NEO1: variants seen among roughly 807,000 people sequenced by gnomAD.
NEO1 encodes the protein neogenin.
A neutral mutation model predicts 159.7 loss-of-function variants in NEO1; 63 were observed. The ratio of observed to expected loss-of-function variants is 0.39; its 90% CI spans 0.32 to 0.49. The LOEUF (loss-of-function observed/expected upper bound fraction) is 0.49, where lower values mean the gene tolerates loss of function less well. NEO1 is among the 20% of genes least tolerant of loss of function. The pLI is 0.85. For missense variants in NEO1, 1,615 were observed against 1,831.0 expected, an observed-to-expected ratio of 0.88 and a Z score of 2.15; for synonymous variants, 633 against 662.0, an observed-to-expected ratio of 0.96 and a Z score of 0.67.
chr15:73,134,651 A>G (rs2031540238), intron 4 of NEO1, among the ~76,000 whole-genome samples: 1 of 151,868 alleles, frequency 6.6e-6, no homozygotes, highest in South Asian at 2.1e-4. Flanking sequence ...CCCGGGTTCA[A>G]GCGATTCTCC....
intron 7 of NEO1, among the ~76,000 whole-genome samples, chr15:73,223,854 T>C (rs1196939848): frequency 6.6e-6 from 1 of 152,206 alleles, no homozygotes; most frequent in Non-Finnish European, 1.5e-5. Flanking sequence ...TTTTTTGTTT[T>C]TTGTTTTTGC....
At chr15:73,119,348 G>A (rs1482554166) in intron 2 of NEO1, among the ~76,000 whole-genome samples, 1 of 152,192 alleles carries the variant, frequency 6.6e-6, no homozygotes, top group Non-Finnish European at 1.5e-5. Context: ...GTTGCAAGCA[G>A]TAGAAACTGA....
intron 21 of NEO1, among the ~76,000 whole-genome samples, chr15:73,277,272 TA>T (rs1322955078): frequency 6.6e-6 from 1 of 152,270 alleles, no homozygotes; most frequent in African/African-American, 2.4e-5. Context: ...TTTCTGGGTA[TA>T]AACCTTAGAT....
At chr15:73,094,976 T>C (rs6416503) in intron 1 of NEO1, among the ~76,000 whole-genome samples, 107,732 of 151,986 alleles carry the variant, frequency 0.71, 39,197 homozygotes, top group African/African-American at 0.88. Context: ...TTTGGGAGGC[T>C]GAGGCGGGCG....
chr15:73,250,647 C>CA (rs897171093), intron 11 of NEO1, among the ~76,000 whole-genome samples: 3 of 151,006 alleles, frequency 2.0e-5, no homozygotes, highest in African/African-American at 7.3e-5. Flanking sequence ...GGAAGCTCTG[C>CA]AAAAAAAATT....
intron 7 of NEO1, among the ~76,000 whole-genome samples, chr15:73,224,257 A>G (rs2038449775): frequency 6.6e-6 from 1 of 152,142 alleles, no homozygotes; most frequent in African/African-American, 2.4e-5. Context: ...TTAACTGTAG[A>G]TAAGTTAAGC....
At chr15:73,059,430 T>C (rs1020687494) in intron 1 of NEO1, among the ~76,000 whole-genome samples, 3 of 152,220 alleles carry the variant, frequency 2.0e-5, no homozygotes, top group South Asian at 2.1e-4. Flanking sequence ...CATTTAACTT[T>C]TTATTAAGTC....
intron 16 of NEO1, 27 bp downstream of exon 16, chr15:73,266,438 C>T: frequency 9.0e-6 from 14 of 1,555,516 alleles, no homozygotes; most frequent in Non-Finnish European, 1.2e-5. Context: ...TTCCTAGTCT[C>T]CAGCACTTTT....
At chr15:73,052,342 C>G (rs889268424), upstream of NEO1, 3 of 144,778 alleles carry the variant, frequency 2.1e-5, no homozygotes, top group East Asian at 6.1e-4. Flanking sequence ...TCTCCGCCCC[C>G]CTCGCGCTGG....
At chr15:73,211,277 C>G (rs1191039597) in intron 7 of NEO1, among the ~76,000 whole-genome samples, 1 of 152,144 alleles carries the variant, frequency 6.6e-6, no homozygotes, top group African/African-American at 2.4e-5. Context: ...CTAAGGAAAA[C>G]AAATGGGATG....
At chr15:73,236,648 C>T (rs1202230947) in intron 8 of NEO1, 142 bp downstream of exon 8, 3 of 729,762 alleles carry the variant, frequency 4.1e-6, no homozygotes, top group Non-Finnish European at 4.6e-6. Flanking sequence ...AATTTTAGGT[C>T]ATTAAATAAA....
In NEO1 at chr15:73,298,669, A is replaced by G. The variant is rs908226539; in HGVS notation, c.4165+58A>G. 12 of 1,597,840 alleles carry G rather than the reference A, an allele frequency of 7.5e-6. No individual in the cohort carries two copies. The African/African-American group carries it at 1.6e-4, about 21-fold the overall frequency. Reference sequence around the variant, plus strand: ...CACACCTGGAGTGACCCTTTGGCTCAAGCTTGGGACAAAGCCACCCCTTCT... The same window carrying G: ...CACACCTGGAGTGACCCTTTGGCTCGAGCTTGGGACAAAGCCACCCCTTCT... On this transcript the variant is annotated intron_variant, in intron 27 of 28. Coordinates refer to ENST00000261908, the MANE Select transcript of NEO1 (RefSeq NM_002499.4).
rs550786174 is a variant in NEO1 at position 73,296,646 on chromosome 15, G to A, written c.3902-1702G>A. 1.7e-3 allele frequency among the ~76,000 whole-genome samples: 257 copies of A among 152,202 alleles called. 1 individual carries two copies. The highest frequency in any genetic ancestry group is 2.6e-3 in the Non-Finnish European group (175 of 68,012). On this transcript the variant is annotated intron_variant, in intron 26 of 28. Transcript: ENST00000261908. Reference sequence around the variant, plus strand: ...CATGCTTTACAGTATCCCCATCTGCGGGGATACATTCCAAGACCCTCCCCC... The same window carrying A: ...CATGCTTTACAGTATCCCCATCTGCAGGGATACATTCCAAGACCCTCCCCC...
chr15:73,145,130 T>C (rs1450842828), intron 5 of NEO1, among the ~76,000 whole-genome samples: 2 of 152,196 alleles, frequency 1.3e-5, no homozygotes, highest in African/African-American at 4.8e-5. Context: ...ACAAGATTAA[T>C]ATCTGTTAAA....
intron 1 of NEO1, among the ~76,000 whole-genome samples, chr15:73,087,864 C>A (rs1463301005): frequency 6.6e-6 from 1 of 151,954 alleles, no homozygotes; most frequent in Non-Finnish European, 1.5e-5. Context: ...TATTTCTGGA[C>A]CCAGTGTGGT....
At chr15:73,138,859 G>A (rs761115562) in intron 5 of NEO1, among the ~76,000 whole-genome samples, 6 of 152,114 alleles carry the variant, frequency 3.9e-5, no homozygotes, top group Admixed American at 6.5e-5. Context: ...GTTTATGTCC[G>A]TTGCTCTTGA....
chr15:73,153,037 C>A (rs1345209825), intron 5 of NEO1, among the ~76,000 whole-genome samples: 1 of 152,126 alleles, frequency 6.6e-6, no homozygotes, highest in African/African-American at 2.4e-5. Flanking sequence ...AGTTTGAAGG[C>A]CTGAGAGCTG....
intron 7 of NEO1, among the ~76,000 whole-genome samples, chr15:73,186,943 A>G (rs2035965723): frequency 6.6e-6 from 1 of 152,212 alleles, no homozygotes; most frequent in Non-Finnish European, 1.5e-5. Context: ...TACAAAAACA[A>G]GTAGCAGGTC....
At chr15:73,284,419 A>G (rs1049248278) in intron 23 of NEO1, among the ~76,000 whole-genome samples, 1 of 152,162 alleles carries the variant, frequency 6.6e-6, no homozygotes, top group East Asian at 1.9e-4. Flanking sequence ...TGCTACTGGT[A>G]ATGACTTTAT....
Sources: gnomAD v4.1 joint callset for allele counts (sites outside exome capture counted in the v4.1 genomes callset) on GRCh38, gnomAD v4.1.1 for gene constraint, MANE v1.5 for transcripts, NCBI Gene and HGNC (gene_info 2026-07-23, HGNC 2026-07-21) for gene names.